The following DENND2B variants were observed in gnomAD, a reference collection of about 807,000 sequenced individuals.
DENND2B encodes DENN domain containing 2B, also known as DENN domain-containing protein 2B.
A neutral mutation model predicts 116.0 loss-of-function variants in DENND2B; 32 were observed. The ratio of observed to expected loss-of-function variants is 0.28; its 90% CI spans 0.21 to 0.37. The LOEUF (loss-of-function observed/expected upper bound fraction) is 0.37, where lower values mean the gene tolerates loss of function less well. DENND2B is among the 10% of genes least tolerant of loss of function. The probability of loss-of-function intolerance (pLI) is 1.00; values close to 1 mark genes in which losing one functional copy is unlikely to be tolerated. For synonymous variants in DENND2B, 588 were observed against 583.9 expected (o/e 1.01, Z -0.10); for missense variants, 1,276 against 1,477.7 (o/e 0.86, Z 2.24).
chr11:8,845,673 G>A (rs577231991), intron 3 of DENND2B, among the ~76,000 whole-genome samples: 7 of 152,254 alleles, frequency 4.6e-5, no homozygotes, highest in African/African-American at 1.7e-4. Flanking sequence ...GATTGAGAAA[G>A]GAAACACCTT....
At chr11:8,715,100 G>C (rs1397482198) in intron 6 of DENND2B, among the ~76,000 whole-genome samples, 1 of 152,208 alleles carries the variant, frequency 6.6e-6, no homozygotes, top group African/African-American at 2.4e-5. Context: ...GCCATAACCT[G>C]GGGCCCCGAC....
chr11:8,798,765 A>T (rs1362388045), intron 1 of DENND2B, among the ~76,000 whole-genome samples: 1 of 152,112 alleles, frequency 6.6e-6, no homozygotes, highest in Admixed American at 6.5e-5. Context: ...GGTAGGAAAG[A>T]AAATAAAAAG....
chr11:8,829,054 GGTGT>G (rs1297621599), intron 4 of DENND2B, among the ~76,000 whole-genome samples: 1 of 141,754 alleles, frequency 7.1e-6, no homozygotes, highest in African/African-American at 2.6e-5. Context: ...GTTTGTGTGT[GGTGT>G]GTGTGGTGTG....
chr11:8,863,804 A>G (rs2063488661), intron 2 of DENND2B, among the ~76,000 whole-genome samples: 1 of 152,092 alleles, frequency 6.6e-6, no homozygotes, highest in African/African-American at 2.4e-5. Flanking sequence ...TGACTACTGA[A>G]AAGTACAAAG....
At chr11:8,848,482 C>A (rs559516513) in intron 3 of DENND2B, among the ~76,000 whole-genome samples, 27 of 152,204 alleles carry the variant, frequency 1.8e-4, no homozygotes, top group East Asian at 3.9e-4. Flanking sequence ...AAATACCAGA[C>A]AACATTGAGA....
intron 2 of DENND2B, among the ~76,000 whole-genome samples, chr11:8,737,619 A>T (rs1565791202): frequency 6.6e-6 from 1 of 152,194 alleles, no homozygotes; most frequent in Non-Finnish European, 1.5e-5. Context: ...ATGGGATGGT[A>T]GCTGGAGAAG....
At chr11:8,699,105 G>C in intron 15 of DENND2B, 108 bp downstream of exon 15, 1 of 1,521,448 alleles carries the variant, frequency 6.6e-7, no homozygotes, top group Non-Finnish European at 8.8e-7. Context: ...AGACCTCCCA[G>C]GGAGAAAGGA....
intron 3 of DENND2B, among the ~76,000 whole-genome samples, chr11:8,841,435 T>C (rs1388451131): frequency 1.3e-5 from 2 of 152,032 alleles, no homozygotes; most frequent in Non-Finnish European, 2.9e-5. Context: ...GCTCAGGAGT[T>C]CGAGACCAGC....
chr11:8,711,339 A>G, intron 9 of DENND2B, 108 bp from the exon 10 acceptor site: 1 of 871,114 alleles, frequency 1.1e-6, no homozygotes. Context: ...ACTAGCGGGC[A>G]TGATCTCAGC....
chr11:8,769,760 G>A (rs956543065), intron 1 of DENND2B, among the ~76,000 whole-genome samples: 8 of 151,910 alleles, frequency 5.3e-5, no homozygotes, highest in African/African-American at 1.9e-4. Context: ...TGTTCCCCTG[G>A]CTGGGAAAGA....
intron 4 of DENND2B, among the ~76,000 whole-genome samples, chr11:8,817,343 C>T (rs1238434533): frequency 1.3e-5 from 2 of 152,188 alleles, no homozygotes; most frequent in Non-Finnish European, 2.9e-5. Context: ...GCCCCCTCCA[C>T]CTGGAAGCCA....
At chr11:8,909,295 T>C (rs1399860350) in intron 1 of DENND2B, among the ~76,000 whole-genome samples, 2 of 151,994 alleles carry the variant, frequency 1.3e-5, no homozygotes, top group Non-Finnish European at 2.9e-5. Context: ...GCCCAGGAGG[T>C]CGAGGCTGCA....
chr11:8,863,948 C>G (rs927841966), intron 2 of DENND2B, among the ~76,000 whole-genome samples: 2 of 152,076 alleles, frequency 1.3e-5, no homozygotes, highest in East Asian at 1.9e-4. Context: ...GAGGCAAGAC[C>G]AGACTTTCAA....
intron 4 of DENND2B, among the ~76,000 whole-genome samples, chr11:8,723,970 T>C (rs2046633603): frequency 1.3e-5 from 2 of 152,196 alleles, no homozygotes; most frequent in African/African-American, 2.4e-5. Flanking sequence ...GTGAAACCAA[T>C]GGCTCAGATC....
chr11:8,816,466 G>A lies in DENND2B; in HGVS notation c.-114-5131C>T, dbSNP rs533571571. On this transcript the variant is annotated intron_variant, in intron 4 of 6. Coordinates refer to the DENND2B transcript ENST00000524757. ...CTTGGGAGGCTGAAATGGGAGGATC[G>A]CTTGAGCCTGGGAGGTTAAGGCTGC... Among the ~76,000 whole-genome samples the A allele has an allele frequency of 1.6e-3, 238 of 151,808 alleles. 1 individual carries two copies. The highest frequency in any genetic ancestry group is 5.7e-3 in the African/African-American group (234 of 41,368).
At chr11:8,734,791 C>CAA (rs11339783) in intron 2 of DENND2B, among the ~76,000 whole-genome samples, 1,172 of 98,376 alleles carry the variant, frequency 0.012, 16 homozygotes, top group South Asian at 0.039. Flanking sequence ...ACAAGAGTCT[C>CAA]AAAAAAAAAA....
chr11:8,704,687 CT>C (rs1383465410), intron 13 of DENND2B, among the ~76,000 whole-genome samples: 1 of 152,122 alleles, frequency 6.6e-6, no homozygotes, highest in African/African-American at 2.4e-5. Context: ...AAAGGATGAC[CT>C]TTTCTATTTT....
upstream of DENND2B, among the ~76,000 whole-genome samples, chr11:8,814,329 T>C (rs1360860416): frequency 1.4e-5 from 2 of 147,424 alleles, no homozygotes; most frequent in African/African-American, 2.5e-5. Context: ...CTTCATTGAC[T>C]TCCCACTACA....
At chr11:8,726,482 G>A (rs533649733) in intron 3 of DENND2B, among the ~76,000 whole-genome samples, 7 of 152,304 alleles carry the variant, frequency 4.6e-5, no homozygotes, top group East Asian at 3.9e-4. Flanking sequence ...CAGGTGCTGC[G>A]TCAAATCCAC....
Sources: gnomAD v4.1 joint callset for allele counts (sites outside exome capture counted in the v4.1 genomes callset) on GRCh38, gnomAD v4.1.1 for gene constraint, MANE v1.5 for transcripts, NCBI Gene and HGNC (gene_info 2026-07-23, HGNC 2026-07-21) for gene names.